Variants in NOS1AP observed in about 807,000 individuals in gnomAD.
NOS1AP encodes nitric oxide synthase 1 adaptor protein, also known as carboxyl-terminal PDZ ligand of neuronal nitric oxide synthase protein.
A neutral mutation model predicts 56.2 loss-of-function variants in NOS1AP; 21 were observed. That is an observed-to-expected ratio of 0.37 (90% CI 0.26 to 0.54). NOS1AP has a LOEUF of 0.54. NOS1AP is among the 20% of genes least tolerant of loss of function. The probability of loss-of-function intolerance (pLI) is 0.84; values close to 1 mark genes in which losing one functional copy is unlikely to be tolerated. For missense variants in NOS1AP, 522 were observed against 657.8 expected (o/e 0.79, Z 2.26); for synonymous variants, 270 against 274.6 (o/e 0.98, Z 0.17).
At position 162,231,038 on chromosome 1, in the gene NOS1AP, C is replaced by G. The variant is rs558964643; in HGVS notation, c.178-56306C>G. On this transcript the variant is annotated intron_variant, in intron 2 of 9. Transcript: ENST00000361897. ...AGAATTGCTGGATCATATAGTAATTCTATTTTCAATTTTTTGAGAAACCAC... is the reference window on the plus strand; with the variant it reads ...AGAATTGCTGGATCATATAGTAATTGTATTTTCAATTTTTTGAGAAACCAC... Among the ~76,000 whole-genome samples the G allele has an allele frequency of 1.1e-4, 17 of 152,210 alleles. No homozygotes were observed. In the South Asian group the frequency reaches 3.1e-3, roughly 28 times the overall value.
chr1:162,198,552 ACT>A (rs1436217719), intron 2 of NOS1AP, among the ~76,000 whole-genome samples: 1 of 152,024 alleles, frequency 6.6e-6, no homozygotes, highest in Non-Finnish European at 1.5e-5. Flanking sequence ...TTGTTGCCTG[ACT>A]CTGAGAGGAT....
chr1:162,199,632 GTGTGTGTGTC>G (rs1339940348), intron 2 of NOS1AP, among the ~76,000 whole-genome samples: 8 of 143,868 alleles, frequency 5.6e-5, no homozygotes, highest in Non-Finnish European at 1.1e-4. Context: ...GTGTGTGTGT[GTGTGTGTGTC>G]TGTGTGTAAA....
At chr1:162,197,619 C>A (rs1452344536) in intron 2 of NOS1AP, among the ~76,000 whole-genome samples, 1 of 152,132 alleles carries the variant, frequency 6.6e-6, no homozygotes, top group Non-Finnish European at 1.5e-5. Flanking sequence ...GGAAGTAAGG[C>A]AATTCAGGGT....
intron 3 of NOS1AP, among the ~76,000 whole-genome samples, chr1:162,289,256 CCTTCCTTCCTTCCTTCCTTCCTTT>C (rs200786844): frequency 0.047 from 3,374 of 72,004 alleles, 227 homozygotes; most frequent in African/African-American, 0.14. Context: ...TTCCTTCCTT[CCTTCCTTCCTTCCTTCCTTCCTTT>C]CCTTCCTTCC....
intron 2 of NOS1AP, among the ~76,000 whole-genome samples, chr1:162,278,945 A>G (rs912649723): frequency 6.6e-6 from 1 of 152,184 alleles, no homozygotes; most frequent in Non-Finnish European, 1.5e-5. Context: ...CTTACATCAT[A>G]TATTAACCAT....
intron 1 of NOS1AP, 50 bp from the exon 2 acceptor site, chr1:162,154,355 G>A (rs1455774484): frequency 5.8e-6 from 9 of 1,561,470 alleles, no homozygotes. Context: ...TCTGGGATTA[G>A]GGACACTTGC....
At chr1:162,086,833 AT>A (rs1692013553) in intron 1 of NOS1AP, among the ~76,000 whole-genome samples, 1 of 151,920 alleles carries the variant, frequency 6.6e-6, no homozygotes. Flanking sequence ...TGTGGGTCTC[AT>A]TTTTCTTTTA....
chr1:162,281,674 CTA>C (rs1445976903), intron 2 of NOS1AP, among the ~76,000 whole-genome samples: 2 of 152,220 alleles, frequency 1.3e-5, no homozygotes, highest in African/African-American at 4.8e-5. Context: ...GTGTGGAAAA[CTA>C]TGGCATGTTT....
intron 8 of NOS1AP, chr1:162,362,928 G>A (rs1163883712): frequency 1.0e-6 from 1 of 974,426 alleles, no homozygotes; most frequent in Non-Finnish European, 1.2e-6. Flanking sequence ...CCTGTTGAGT[G>A]GATATAGGAA....
chr1:162,345,484 G>A (rs1657262863), intron 6 of NOS1AP, among the ~76,000 whole-genome samples: 2 of 152,072 alleles, frequency 1.3e-5, no homozygotes, highest in Admixed American at 1.3e-4. Flanking sequence ...GTAAGCTACA[G>A]TATTCAAAAC....
intron 2 of NOS1AP, among the ~76,000 whole-genome samples, chr1:162,189,181 G>T (rs1164207056): frequency 6.6e-6 from 1 of 152,108 alleles, no homozygotes; most frequent in Non-Finnish European, 1.5e-5. Flanking sequence ...CTTACAATAG[G>T]AGGTCTAAGA....
intron 3 of NOS1AP, among the ~76,000 whole-genome samples, chr1:162,293,070 T>G (rs763389946): frequency 2.6e-5 from 4 of 152,200 alleles, no homozygotes; most frequent in Non-Finnish European, 4.4e-5. Context: ...TTAGGAATTG[T>G]GCACATGGGA....
chr1:162,134,216 C>T (rs1007082602), intron 1 of NOS1AP, among the ~76,000 whole-genome samples: 22 of 152,014 alleles, frequency 1.4e-4, no homozygotes, highest in Admixed American at 3.9e-4. Flanking sequence ...CTGGGCTGGG[C>T]GCAGTGGCTC....
At chr1:162,199,649 T>A (rs924646401) in intron 2 of NOS1AP, among the ~76,000 whole-genome samples, 1 of 111,642 alleles carries the variant, frequency 9.0e-6, no homozygotes, top group Non-Finnish European at 1.9e-5. Flanking sequence ...TGTCTGTGTG[T>A]AAATTCTTGC....
At chr1:162,303,384 T>A (rs527313006) in intron 4 of NOS1AP, among the ~76,000 whole-genome samples, 1 of 152,354 alleles carries the variant, frequency 6.6e-6, no homozygotes, top group Admixed American at 6.5e-5. Context: ...AAATATGTGT[T>A]TATTAATATC....
intron 2 of NOS1AP, among the ~76,000 whole-genome samples, chr1:162,171,432 T>G (rs1322009729): frequency 6.6e-6 from 1 of 152,204 alleles, no homozygotes; most frequent in African/African-American, 2.4e-5. Context: ...GGTCTTGTAT[T>G]CTGCCTGCAT....
At chr1:162,303,876 A>G (rs1424660030) in intron 4 of NOS1AP, among the ~76,000 whole-genome samples, 1 of 146,204 alleles carries the variant, frequency 6.8e-6, no homozygotes, top group African/African-American at 2.5e-5. Context: ...TACATGGTTT[A>G]CAAACATTTT....
intron 2 of NOS1AP, among the ~76,000 whole-genome samples, chr1:162,238,034 C>A (rs777344263): frequency 1.3e-4 from 20 of 152,084 alleles, no homozygotes; most frequent in Non-Finnish European, 2.5e-4. Flanking sequence ...TGAGCCACAT[C>A]TGACAGGATT....
intron 3 of NOS1AP, among the ~76,000 whole-genome samples, 170 bp downstream of exon 3, chr1:162,287,606 G>A (rs1420812652): frequency 6.6e-6 from 1 of 152,088 alleles, no homozygotes; most frequent in African/African-American, 2.4e-5. Context: ...TGTAGGGCGA[G>A]GCGAGGCCAA....
Sources: gnomAD v4.1 joint callset for allele counts (sites outside exome capture counted in the v4.1 genomes callset) on GRCh38, gnomAD v4.1.1 for gene constraint, MANE v1.5 for transcripts, NCBI Gene and HGNC (gene_info 2026-07-23, HGNC 2026-07-21) for gene names.